Variants in TMTC2 observed in about 807,000 individuals in gnomAD.
TMTC2 encodes the protein transmembrane O-mannosyltransferase targeting cadherins 2, also known as protein O-mannosyl-transferase TMTC2.
In TMTC2, 43 loss-of-function variants were observed where a neutral mutation model predicts 82.4. The observed-to-expected ratio is 0.52, with a 90% CI of 0.41 to 0.67. The LOEUF (loss-of-function observed/expected upper bound fraction) is 0.67. Ranked by LOEUF, TMTC2 falls within the 30% of genes least tolerant of loss-of-function variation. The probability of loss-of-function intolerance (pLI) is 0.00; values close to 1 mark genes in which losing one functional copy is unlikely to be tolerated. For missense variants in TMTC2, 919 were observed against 1,012.4 expected (o/e 0.91, Z 1.25); for synonymous variants, 408 against 381.9 (o/e 1.07, Z -0.80).
intron 2 of TMTC2, among the ~76,000 whole-genome samples, chr12:82,876,165 A>ATTCATAATG (rs1872564604): frequency 1.7e-5 from 2 of 116,952 alleles, no homozygotes; most frequent in African/African-American, 1.2e-4. Flanking sequence ...TAGTGGTGGT[A>ATTCATAATG]GTGTTGTTGA....
intron 2 of TMTC2, among the ~76,000 whole-genome samples, chr12:82,861,724 T>C (rs1032351532): frequency 6.6e-6 from 1 of 152,202 alleles, no homozygotes; most frequent in African/African-American, 2.4e-5. Flanking sequence ...GGTTGAATGC[T>C]GTCAAACTAT....
intron 1 of TMTC2, among the ~76,000 whole-genome samples, chr12:82,781,399 C>CTTTTTTTT (rs71068954): frequency 3.3e-5 from 4 of 121,168 alleles, no homozygotes; most frequent in Non-Finnish European, 5.0e-5. Flanking sequence ...GGAGTTTGCT[C>CTTTTTTTT]TTTTTTTTTT....
chr12:82,771,798 A>G (rs916805734), intron 1 of TMTC2, among the ~76,000 whole-genome samples: 2 of 152,102 alleles, frequency 1.3e-5, no homozygotes, highest in African/African-American at 4.8e-5. Flanking sequence ...GATGTGTACC[A>G]AAGGGGTGGG....
At chr12:82,952,701 A>C (rs1026618785) in intron 4 of TMTC2, among the ~76,000 whole-genome samples, 1 of 151,946 alleles carries the variant, frequency 6.6e-6, no homozygotes, top group African/African-American at 2.4e-5. Flanking sequence ...GCATGCCACC[A>C]TGCCCTGCTA....
chr12:82,978,818 A>G (rs923371767), intron 7 of TMTC2, among the ~76,000 whole-genome samples: 4 of 151,740 alleles, frequency 2.6e-5, no homozygotes, highest in Non-Finnish European at 4.4e-5. Context: ...ATTGGGGTCT[A>G]TCTCTCTAGC....
At chr12:82,957,698 A>G (rs1429089487) in intron 4 of TMTC2, among the ~76,000 whole-genome samples, 1 of 152,094 alleles carries the variant, frequency 6.6e-6, no homozygotes, top group East Asian at 1.9e-4. Context: ...ACAAAGAAAT[A>G]TAAAAGATCC....
intron 1 of TMTC2, among the ~76,000 whole-genome samples, chr12:82,816,041 T>C (rs995680461): frequency 2.6e-5 from 4 of 152,040 alleles, no homozygotes; most frequent in Non-Finnish European, 5.9e-5. Flanking sequence ...CTTGATATAG[T>C]AGTGGGTATG....
At chr12:82,912,520 A>G (rs937071091) in intron 3 of TMTC2, among the ~76,000 whole-genome samples, 1 of 152,210 alleles carries the variant, frequency 6.6e-6, no homozygotes, top group African/African-American at 2.4e-5. Flanking sequence ...CTTTTTCACC[A>G]AGTCAGTTGA....
chr12:82,829,062 C>A (rs1375212570), intron 1 of TMTC2, among the ~76,000 whole-genome samples: 1 of 152,036 alleles, frequency 6.6e-6, no homozygotes, highest in Admixed American at 6.6e-5. Context: ...TGATGTTTTT[C>A]TAGTAGGTAG....
intron 9 of TMTC2, among the ~76,000 whole-genome samples, chr12:83,032,283 A>ATG (rs1881471238): frequency 2.8e-5 from 2 of 70,584 alleles, no homozygotes; most frequent in Admixed American, 1.5e-4. Flanking sequence ...ATATATATAT[A>ATG]TATATATATA....
chr12:82,988,814 G>T (rs776617806), intron 8 of TMTC2, among the ~76,000 whole-genome samples: 8 of 148,578 alleles, frequency 5.4e-5, no homozygotes, highest in Non-Finnish European at 7.4e-5. Context: ...CCCTGTAAAT[G>T]ACTGGCTCCC....
At chr12:83,012,646 C>T (rs1310991091) in intron 8 of TMTC2, among the ~76,000 whole-genome samples, 2 of 152,014 alleles carry the variant, frequency 1.3e-5, no homozygotes, top group African/African-American at 2.4e-5. Context: ...TTTTTATTCA[C>T]TTGATAACAT....
chr12:83,019,035 A>G (rs907800634), intron 8 of TMTC2, among the ~76,000 whole-genome samples: 1 of 152,206 alleles, frequency 6.6e-6, no homozygotes, highest in Non-Finnish European at 1.5e-5. Flanking sequence ...TAGAGCACCC[A>G]GGAGGAAAAA....
intron 11 of TMTC2, among the ~76,000 whole-genome samples, chr12:83,074,559 T>G (rs1200371461): frequency 6.6e-6 from 1 of 151,648 alleles, no homozygotes; most frequent in African/African-American, 2.4e-5. Context: ...GTCCCTGGAG[T>G]TGTGTACCTA....
intron 1 of TMTC2, among the ~76,000 whole-genome samples, chr12:82,838,738 A>G (rs1226880288): frequency 6.6e-6 from 1 of 150,800 alleles, no homozygotes; most frequent in Non-Finnish European, 1.5e-5. Context: ...TTTCACTTAA[A>G]TTCTTCTGCA....
At chr12:83,031,321 C>T (rs1160255945) in intron 9 of TMTC2, among the ~76,000 whole-genome samples, 1 of 152,180 alleles carries the variant, frequency 6.6e-6, no homozygotes. Context: ...TATGGATGTA[C>T]ACTAGCCTGT....
intron 1 of TMTC2, among the ~76,000 whole-genome samples, chr12:82,712,873 T>C (rs753067012): frequency 4.0e-4 from 61 of 151,386 alleles, no homozygotes; most frequent in Non-Finnish European, 7.4e-4. Flanking sequence ...AAGGAAAAAG[T>C]AGGGGGAGAC....
chr12:83,066,760 A>G (rs1026707659), intron 11 of TMTC2, among the ~76,000 whole-genome samples: 9 of 151,994 alleles, frequency 5.9e-5, no homozygotes, highest in Non-Finnish European at 4.4e-5. Context: ...GCCACCATAT[A>G]TGTTCCAAAA....
intron 1 of TMTC2, among the ~76,000 whole-genome samples, chr12:82,756,360 C>T (rs1042002940): frequency 6.6e-6 from 1 of 152,154 alleles, no homozygotes; most frequent in Non-Finnish European, 1.5e-5. Context: ...TACAGTCTGT[C>T]TCAAAGAGTT....
Sources: gnomAD v4.1 joint callset for allele counts (sites outside exome capture counted in the v4.1 genomes callset) on GRCh38, gnomAD v4.1.1 for gene constraint, MANE v1.5 for transcripts, NCBI Gene and HGNC (gene_info 2026-07-23, HGNC 2026-07-21) for gene names.